The following CILP variants were observed in gnomAD, a reference collection of about 807,000 sequenced individuals.
The protein encoded by CILP is cartilage intermediate layer protein, also known as cartilage intermediate layer protein 1.
Under a neutral mutation model 82.5 loss-of-function variants are expected in CILP, and 75 were observed. The ratio of observed to expected loss-of-function variants is 0.91; its 90% CI spans 0.75 to 1.10. CILP has a LOEUF of 1.10. Among genes scored for constraint, CILP ranks in the 50% least tolerant of loss-of-function variants. The pLI, the probability that CILP is intolerant of heterozygous loss-of-function variation, is 0.00. For synonymous variants in CILP, 530 were observed against 580.3 expected (o/e 0.91, Z 1.25); for missense variants, 1,479 against 1,530.8 (o/e 0.97, Z 0.56).
rs1273031580 is a variant in CILP at position 65,197,412 on chromosome 15, C to T, written c.2874G>A (p.Val958=). The change falls in exon 9 of 9, where the codon GTG becomes GTA. Residue 958 remains valine, a synonymous_variant. Transcript: ENST00000261883. The part of the protein sequence containing the change: ...PMEFRACYIK[V]KIVGPLEVNV... Reference sequence around the variant, plus strand: ...TCACTTCCAGTGGCCCCACAATCTTCACCTTGATATAGCAGGCCCTGAATT... The same window carrying T: ...TCACTTCCAGTGGCCCCACAATCTTTACCTTGATATAGCAGGCCCTGAATT... 6.2e-7 allele frequency: 1 copy of T among 1,614,248 alleles called. No homozygotes were observed. The highest frequency in any genetic ancestry group is 1.1e-5 in the South Asian group (1 of 91,084).
In CILP at chr15:65,202,046, G is replaced by A. The variant is rs754738890; in HGVS notation, c.1029-17C>T. 1.3e-6 allele frequency: 2 copies of A among 1,546,768 alleles called. No individual in the cohort carries two copies. The highest frequency in any genetic ancestry group is 2.4e-5 in the East Asian group (1 of 41,336). ...TTATGATACCTGCAAGGGATGGAGA[G>A]GTAGAACCTGAATGGGCAGTGGGAG... On this transcript the variant is annotated splice_polypyrimidine_tract_variant and intron_variant, in intron 7 of 8. Coordinates refer to ENST00000261883, the MANE Select transcript of CILP (RefSeq NM_003613.4).
At chr15:65,199,670 A>G (rs1161931432) in intron 8 of CILP, among the ~76,000 whole-genome samples, 1 of 152,164 alleles carries the variant, frequency 6.6e-6, no homozygotes, top group Non-Finnish European at 1.5e-5. Context: ...AAAAAATACA[A>G]AAATCAGCTG....
In CILP at chr15:65,201,962, G is replaced by C; in HGVS notation, c.1096C>G (p.Leu366Val). Residue 366 changes from leucine (L) to valine (V), a missense_variant, in exon 8 of 9, where the codon CTG becomes GTG. Transcript: ENST00000261883. The part of the protein sequence containing the change: ...KHESKLVLRK[L>V]QQHQAGEYFC... ...TACTCCCCAGCCTGGTGCTGCTGCA[G>C]TTTCCTCAGCACCAGCTTGCTCTCA... 1 of 1,607,100 alleles carries C rather than the reference G, an allele frequency of 6.2e-7. No individual in the cohort carries two copies. The highest frequency in any genetic ancestry group is 2.3e-5 in the East Asian group (1 of 44,106).
At chr15:65,205,563 G>T in intron 4 of CILP, 97 bp from the exon 5 acceptor site, 1 of 1,213,360 alleles carries the variant, frequency 8.2e-7, no homozygotes, top group Non-Finnish European at 1.1e-6. Context: ...GTAAAGACAA[G>T]GTTTCCATTT....
chr15:65,202,760 T>C (rs2088473784), intron 7 of CILP, among the ~76,000 whole-genome samples: 1 of 151,530 alleles, frequency 6.6e-6, no homozygotes, highest in Non-Finnish European at 1.5e-5. Context: ...AAGCAGGACC[T>C]AGGAACTTTG....
intron 5 of CILP, 60 bp downstream of exon 5, chr15:65,205,227 C>T (rs1341227965): frequency 3.1e-5 from 47 of 1,502,396 alleles, no homozygotes; most frequent in Non-Finnish European, 4.0e-5. Flanking sequence ...CTCTAACTCC[C>T]TCCTCATTCT....
rs199950400 is a variant in CILP, at chr15:65,199,042, T to G, written c.1244A>C (p.His415Pro). The G allele has an allele frequency of 1.3e-5, 21 of 1,603,674 alleles. No homozygotes were observed. The East Asian group carries it at 4.5e-4, about 34-fold the overall frequency. Residue 415 changes from histidine to proline, a missense_variant, in exon 9 of 9, where the codon CAT (histidine) becomes CCT (proline). Coordinates refer to ENST00000261883, the MANE Select transcript of CILP (RefSeq NM_003613.4). The part of the protein sequence containing the change: ...VPESYLIRLP[H>P]DCFQNATNSF... ...GTTGGTGGCATTCTGAAAGCAATCA[T>G]GGGGCAGCCGGATAAGATAGCTCTC...
rs111854473 is a variant in CILP at position 65,206,635 on chromosome 15, G to A, written c.424+147C>T. On this transcript the variant is annotated intron_variant, in intron 4 of 8. Coordinates refer to ENST00000261883, the MANE Select transcript of CILP (RefSeq NM_003613.4). ...TATTACAGAGTCCAAGCATATGCATGTGTGTCACTACTTGTTATTATTACA... is the reference window on the plus strand; with the variant it reads ...TATTACAGAGTCCAAGCATATGCATATGTGTCACTACTTGTTATTATTACA... 128 of 876,462 alleles carry A rather than the reference G, an allele frequency of 1.5e-4. No individual in the cohort carries two copies. In the African/African-American group the frequency reaches 1.9e-3, roughly 13 times the overall value. 54.3% of individuals were successfully genotyped at this position (876,462 alleles called of 1,614,324 possible). A position where few individuals can be genotyped will look rare whatever the true frequency, so the allele number is the denominator to read the frequency against.
At position 65,198,517 on chromosome 15, in the gene CILP, C is replaced by T. The variant is rs757859071; in HGVS notation, c.1769G>A (p.Gly590Glu). The T allele has an allele frequency of 6.2e-7, 1 of 1,614,252 alleles. No individual in the cohort carries two copies. Among genetic ancestry groups the T allele is most frequent in the East Asian group, 2.2e-5 (1 of 44,886 alleles). Residue 590 changes from glycine (G) to glutamate (E), a missense_variant, in exon 9 of 9, where the codon GGG becomes GAG. Transcript: ENST00000261883. ...CATGGGGTCTTCACCAACCACTTCC[C>T]CCAGGGGGATGATGTTGGTCTCCAT... ...EAMETNIIPL[G>E]EVVGEDPMAE... is the part of the protein sequence containing the mutation.
Position 65,208,718 on chromosome 15 carries a change from G to A in CILP, c.62-954C>T, listed in dbSNP as rs74593287. On this transcript the variant is annotated intron_variant, in intron 2 of 8. Transcript: ENST00000261883. ...GTCTCCAGAATGGGAAGGAGAATGC[G>A]GAGCAGAGGGCTGCAGAAGCTTTGA... 1.6e-3 allele frequency among the ~76,000 whole-genome samples: 247 copies of A among 152,346 alleles called. 2 individuals carry two copies. Among genetic ancestry groups the A allele is most frequent in the African/African-American group, 5.4e-3 (225 of 41,584 alleles).
Position 65,197,231 on chromosome 15 carries a change from G to T in CILP, c.3055C>A (p.Arg1019Ser). 6.2e-7 allele frequency: 1 copy of T among 1,614,056 alleles called. No homozygotes were observed. Among genetic ancestry groups the T allele is most frequent in the Non-Finnish European group, 8.5e-7 (1 of 1,180,014 alleles). ...KCSGMLYDQD[R>S]VDRTLVKVIP... ...ACCTTCACCAGGGTGCGGTCCACAC[G>T]GTCCTGATCATAGAGCATCCCACTG... Residue 1019 changes from arginine to serine, a missense_variant, in exon 9 of 9, where the codon CGT becomes AGT. Coordinates refer to ENST00000261883, the MANE Select transcript of CILP (RefSeq NM_003613.4).
chr15:65,207,618 G>T, intron 3 of CILP, 54 bp downstream of exon 3: 1 of 1,512,932 alleles, frequency 6.6e-7, no homozygotes, highest in Non-Finnish European at 9.2e-7. Context: ...ATCCACTTCG[G>T]AAGCTCGTTA....
At chr15:65,208,431 C>T (rs899157776) in intron 2 of CILP, among the ~76,000 whole-genome samples, 2 of 152,180 alleles carry the variant, frequency 1.3e-5, no homozygotes, top group East Asian at 1.9e-4. Context: ...TAAATAAGCT[C>T]ATTCATAAAA....
chr15:65,198,201 T>C lies in CILP; in HGVS notation c.2085A>G (p.Thr695=), dbSNP rs150788279. ...CTGGATTGAGTGACCAGAGTTTCAC[T>C]GTGGATATGTGCTCTGGCATCTTGA... ...TQVKMPEHIS[T]VKLWSLNPDT... The change falls in exon 9 of 9, where the codon ACA becomes ACG. Residue 695 remains threonine (T), a synonymous_variant. Coordinates refer to ENST00000261883, the MANE Select transcript of CILP (RefSeq NM_003613.4). 1.9e-4 allele frequency: 304 copies of C among 1,614,284 alleles called. 3 individuals are homozygous for C. The African/African-American group carries it at 3.6e-3, about 19-fold the overall frequency.
chr15:65,205,351 C>T lies in CILP; in HGVS notation c.540G>A (p.Glu180=), dbSNP rs2088506286. 6.2e-7 allele frequency: 1 copy of T among 1,614,040 alleles called. No individual in the cohort carries two copies. Among genetic ancestry groups the T allele is most frequent in the South Asian group, 1.1e-5 (1 of 91,094 alleles). The change falls in exon 5 of 9, where the codon GAG becomes GAA. Residue 180 remains glutamate, a synonymous_variant. Transcript: ENST00000261883. Reference sequence around the variant, plus strand: ...TGGCCTCACTGCACAGCGACACCATCTCTGCCAAGCAAATGCGTGTGCGAG... The same window carrying T: ...TGGCCTCACTGCACAGCGACACCATTTCTGCCAAGCAAATGCGTGTGCGAG... ...VQTRTRICLA[E]MVSLCSEASE...
In CILP at chr15:65,205,298, T is replaced by C. The variant is rs1773224724; in HGVS notation, c.593A>G (p.Gln198Arg). The C allele has an allele frequency of 6.2e-7, 1 of 1,613,370 alleles. No homozygotes were observed. ...AGGGAGGGTGGTACCTGTACAGTCC[T>C]GGCCCATGCAGTGCTGACCCTCTTC... ...ASEEGQHCMG[Q>R]DCTACDLTCP... Residue 198 changes from glutamine to arginine, a missense_variant, in exon 5 of 9, where the codon CAG (glutamine) becomes CGG (arginine). Gln to Arg is a conservative substitution (Grantham distance 43, BLOSUM62 1). Transcript: ENST00000261883.
chr15:65,204,652 C>T (rs1413320812), intron 5 of CILP, 70 bp from the exon 6 acceptor site: 3 of 1,453,834 alleles, frequency 2.1e-6, no homozygotes, highest in African/African-American at 2.9e-5. Context: ...CATCACAGAT[C>T]ACTTCCTCTC....
At position 65,206,814 on chromosome 15, in the gene CILP, G is replaced by C. The variant is rs1228936852; in HGVS notation, c.392C>G (p.Ser131Cys). The change falls in exon 4 of 9, where the codon TCT becomes TGT. Residue 131 changes from serine (S) to cysteine (C), a missense_variant. Physicochemically the swap from Ser to Cys is moderately radical, Grantham distance 112 (BLOSUM62 -1). Transcript: ENST00000261883. ...NREQRPGQNC[S>C]NYTVRFLCPP... ...GCAGAGGAAGCGTACGGTGTAATTA[G>C]AGCAGTTCTGGCCAGGCCGCTGCTC... is the stretch of plus-strand genomic sequence containing the variant. The C allele has an allele frequency of 6.2e-7, 1 of 1,613,962 alleles. No homozygotes were observed. The highest frequency in any genetic ancestry group is 8.5e-7 in the Non-Finnish European group (1 of 1,179,962).
In CILP at chr15:65,204,535, C is replaced by A; in HGVS notation, c.652G>T (p.Ala218Ser). 2.5e-6 allele frequency: 4 copies of A among 1,613,078 alleles called. No individual in the cohort carries two copies. The highest frequency in any genetic ancestry group is 3.4e-6 in the Non-Finnish European group (4 of 1,179,742). ...AGCATGAAGTCCTGGCACATGCAGG[C>A]ATCACAGTCAGCATTCACCTGGCCC... ...PMGQVNADCD[A>S]CMCQDFMLHG... Residue 218 changes from alanine (A) to serine (S), a missense_variant, in exon 6 of 9, where the codon GCC becomes TCC. Coordinates refer to ENST00000261883, the MANE Select transcript of CILP (RefSeq NM_003613.4).
Sources: allele counts gnomAD v4.1 joint callset (sites outside exome capture counted in the v4.1 genomes callset), GRCh38; gene constraint gnomAD v4.1.1; transcripts MANE v1.5; gene names NCBI Gene and HGNC (gene_info 2026-07-23, HGNC 2026-07-21).